ARHGEF10L: variants seen among roughly 807,000 people sequenced by gnomAD.
The protein encoded by ARHGEF10L is Rho guanine nucleotide exchange factor 10 like.
A neutral mutation model predicts 141.2 loss-of-function variants in ARHGEF10L; 69 were observed. The ratio of observed to expected loss-of-function variants is 0.49; its 90% CI spans 0.40 to 0.60. The LOEUF is 0.60. Ranked by LOEUF, ARHGEF10L falls within the 20% of genes least tolerant of loss-of-function variation. The probability of loss-of-function intolerance (pLI) is 0.00; values close to 1 mark genes in which losing one functional copy is unlikely to be tolerated. For synonymous variants in ARHGEF10L, 711 were observed against 718.5 expected, an observed-to-expected ratio of 0.99 and a Z score of 0.17; for missense variants, 1,482 against 1,734.3, an observed-to-expected ratio of 0.85 and a Z score of 2.58.
chr1:17,584,292 GC>G (rs2078841713), intron 2 of ARHGEF10L, among the ~76,000 whole-genome samples: 1 of 152,072 alleles, frequency 6.6e-6, no homozygotes, highest in Non-Finnish European at 1.5e-5. Flanking sequence ...CCATCCTCCT[GC>G]CCCAGGCTCC....
intron 1 of ARHGEF10L, among the ~76,000 whole-genome samples, chr1:17,577,297 C>T (rs545312029): frequency 5.3e-5 from 8 of 152,282 alleles, no homozygotes; most frequent in Non-Finnish European, 7.4e-5. Context: ...CTGCCTGCCC[C>T]GGCCTCCCAA....
At chr1:17,571,150 G>A (rs1341787885) in intron 1 of ARHGEF10L, among the ~76,000 whole-genome samples, 1 of 152,150 alleles carries the variant, frequency 6.6e-6, no homozygotes, top group Non-Finnish European at 1.5e-5. Context: ...GCCCAGGGAG[G>A]AGCCGCGGTG....
intron 16 of ARHGEF10L, among the ~76,000 whole-genome samples, chr1:17,632,984 G>A (rs866019161): frequency 6.6e-6 from 1 of 152,220 alleles, no homozygotes; most frequent in Non-Finnish European, 1.5e-5. Flanking sequence ...CCTGGGAGCC[G>A]GAGCCCTGGT....
chr1:17,663,465 A>T (rs1162174007), intron 25 of ARHGEF10L, among the ~76,000 whole-genome samples: 1 of 151,716 alleles, frequency 6.6e-6, no homozygotes, highest in East Asian at 1.9e-4. Flanking sequence ...AGGCAAGAGA[A>T]TCGCTGGAAC....
intron 26 of ARHGEF10L, among the ~76,000 whole-genome samples, chr1:17,676,867 C>T (rs746622105): frequency 6.6e-6 from 1 of 151,830 alleles, no homozygotes; most frequent in East Asian, 1.9e-4. Flanking sequence ...TCTGATTGGG[C>T]AGAATCTTCG....
At chr1:17,602,936 G>T (rs974528197) in intron 5 of ARHGEF10L, among the ~76,000 whole-genome samples, 1 of 152,034 alleles carries the variant, frequency 6.6e-6, no homozygotes, top group African/African-American at 2.4e-5. Context: ...GGAACTAGGG[G>T]TCTAGAGAGA....
chr1:17,613,263 C>G, intron 8 of ARHGEF10L, 89 bp downstream of exon 8: 3 of 1,111,442 alleles, frequency 2.7e-6, no homozygotes, highest in South Asian at 1.4e-5. Flanking sequence ...CCTGGTACCA[C>G]GAAGCCTACC....
intron 21 of ARHGEF10L, among the ~76,000 whole-genome samples, chr1:17,640,847 A>T (rs1260040696): frequency 6.6e-5 from 10 of 152,244 alleles, no homozygotes; most frequent in Non-Finnish European, 1.5e-5. Flanking sequence ...TGTGCACCCC[A>T]TGGTATGAAT....
rs2062103575 is a variant in ARHGEF10L, at chr1:17,654,353, C to G, written c.2395-283C>G. ...AAAATAAGGAGGGGTGGGTGGCTTTCAAGAAATCTTATCTGAAAGCTGCTC... is the reference window on the plus strand; with the variant it reads ...AAAATAAGGAGGGGTGGGTGGCTTTGAAGAAATCTTATCTGAAAGCTGCTC... On this transcript the variant is annotated intron_variant, in intron 22 of 28. Coordinates refer to ENST00000361221, the MANE Select transcript of ARHGEF10L (RefSeq NM_018125.4). This position sits in a 1 kb window ranked among gnomAD's most constrained non-coding sequence, Gnocchi z 4.3. Among the ~76,000 whole-genome samples the G allele has an allele frequency of 6.6e-6, 1 of 152,148 alleles. No individual in the cohort carries two copies. The highest frequency in any genetic ancestry group is 6.5e-5 in the Admixed American group (1 of 15,272).
At chr1:17,664,712 G>T (rs934990686) in intron 26 of ARHGEF10L, 117 bp downstream of exon 26, 4 of 1,309,676 alleles carry the variant, frequency 3.1e-6, no homozygotes, top group Non-Finnish European at 4.0e-6. Flanking sequence ...GGATCGATTG[G>T]GCAGAGTTTG....
Position 17,640,443 on chromosome 1 carries a change from G to T in ARHGEF10L, c.2272+141G>T, listed in dbSNP as rs2061266270. 4.4e-6 allele frequency: 3 copies of T among 682,014 alleles called. No homozygotes were observed. In the East Asian group the frequency reaches 8.8e-5, roughly 20 times the overall value. The allele number at this position is 682,014 out of a possible 1,614,324, so 42.2% of individuals were successfully genotyped here. A position where few individuals can be genotyped will look rare whatever the true frequency, so the allele number is the denominator to read the frequency against. The stretch of plus-strand genomic sequence containing the variant: ...TGAGTGGGAGGGAGGTGGTGCGGTG[G>T]AGAAACAGCTGGGGCCAGAGCCGGA... On this transcript the variant is annotated intron_variant, in intron 21 of 28. Transcript: ENST00000361221.
In ARHGEF10L at chr1:17,639,764, T is replaced by C. The variant is rs1030099517; in HGVS notation, c.2172-438T>C. ...CATTCCTGTGTCCACTCAGCAAACA[T>C]TTACTGAGCAACTGTCCCATGCCAG... On this transcript the variant is annotated intron_variant, in intron 20 of 28. Transcript: ENST00000361221. The surrounding 1 kb of genome is among the most constrained non-coding windows in gnomAD (Gnocchi z 4.3). 4 of 1,021,366 alleles carry C rather than the reference T, an allele frequency of 3.9e-6. No homozygotes were observed. The highest frequency in any genetic ancestry group is 5.4e-6 in the Non-Finnish European group (4 of 742,964). The allele number at this position is 1,021,366 out of a possible 1,614,324, so 63.3% of individuals were successfully genotyped here. A position where few individuals can be genotyped will look rare whatever the true frequency, so the allele number is the denominator to read the frequency against.
chr1:17,622,000 G>T lies in ARHGEF10L; in HGVS notation c.1020+59G>T. 1 of 1,579,796 alleles carries T rather than the reference G, an allele frequency of 6.3e-7. No individual in the cohort carries two copies. Among genetic ancestry groups the T allele is most frequent in the East Asian group, 2.2e-5 (1 of 44,680 alleles). On this transcript the variant is annotated intron_variant, in intron 11 of 28. Transcript: ENST00000361221. The surrounding 1 kb of genome is among the most constrained non-coding windows in gnomAD (Gnocchi z 4.1). ...GGAGAAGCAGGGAGGGCCCTGGAGG[G>T]TAACTTTATACGGAGTGTTTGGGGA...
At chr1:17,584,878 C>T (rs2078896432) in intron 2 of ARHGEF10L, among the ~76,000 whole-genome samples, 1 of 152,144 alleles carries the variant, frequency 6.6e-6, no homozygotes, top group Non-Finnish European at 1.5e-5. Context: ...CACACACACA[C>T]ACCCCTACCC....
chr1:17,606,631 C>CA (rs1346224872), intron 6 of ARHGEF10L, among the ~76,000 whole-genome samples: 1 of 146,188 alleles, frequency 6.8e-6, no homozygotes, highest in African/African-American at 2.5e-5. Context: ...AACACAAAAA[C>CA]AAAAAAACCC....
chr1:17,662,695 G>A (rs1302730130), intron 25 of ARHGEF10L, among the ~76,000 whole-genome samples: 1 of 151,544 alleles, frequency 6.6e-6, no homozygotes, highest in Non-Finnish European at 1.5e-5. Flanking sequence ...GTATGGTAGG[G>A]AAGGATGGGG....
At chr1:17,602,464 C>T (rs1315298219) in intron 5 of ARHGEF10L, among the ~76,000 whole-genome samples, 2 of 152,190 alleles carry the variant, frequency 1.3e-5, no homozygotes, top group East Asian at 3.9e-4. Flanking sequence ...CAGGGCGGCC[C>T]AGTGGTGGGA....
chr1:17,642,081 A>G (rs1422883764), intron 21 of ARHGEF10L, among the ~76,000 whole-genome samples: 2 of 152,184 alleles, frequency 1.3e-5, no homozygotes, highest in African/African-American at 2.4e-5. Flanking sequence ...AGTTTTGGGC[A>G]TGGGGGAAGA....
intron 26 of ARHGEF10L, among the ~76,000 whole-genome samples, chr1:17,665,988 G>A (rs1165764183): frequency 6.6e-6 from 1 of 152,178 alleles, no homozygotes; most frequent in South Asian, 2.1e-4. Context: ...TGATGCTTCA[G>A]TGTGATTCTG....
Sources: allele counts gnomAD v4.1 joint callset (sites outside exome capture counted in the v4.1 genomes callset), GRCh38; gene constraint gnomAD v4.1.1; non-coding constraint Gnocchi (gnomAD v3.1); transcripts MANE v1.5; gene names NCBI Gene and HGNC (gene_info 2026-07-23, HGNC 2026-07-21).